SERGEF: variants seen among roughly 807,000 people sequenced by gnomAD.
The protein encoded by SERGEF is secretion-regulating guanine nucleotide exchange factor.
Under a neutral mutation model 50.0 loss-of-function variants are expected in SERGEF, and 51 were observed. The ratio of observed to expected loss-of-function variants is 1.02; its 90% CI spans 0.81 to 1.29. The LOEUF (loss-of-function observed/expected upper bound fraction) is 1.29, where lower values mean the gene tolerates loss of function less well. SERGEF is among the 50% of genes most tolerant of loss of function. The pLI, the probability that SERGEF is intolerant of heterozygous loss-of-function variation, is 0.00. For synonymous variants in SERGEF, 205 were observed against 212.4 expected (o/e 0.97, Z 0.30); for missense variants, 521 against 557.0 (o/e 0.94, Z 0.65).
intron 10 of SERGEF, among the ~76,000 whole-genome samples, chr11:17,817,213 A>AT (rs36024602): frequency 0.012 from 1,647 of 135,154 alleles, 26 homozygotes; most frequent in African/African-American, 0.038. Flanking sequence ...CTTTCCATGT[A>AT]TTTTTTTTTT....
chr11:18,002,823 AAATG>A (rs1195915304), intron 4 of SERGEF, among the ~76,000 whole-genome samples: 1 of 152,246 alleles, frequency 6.6e-6, no homozygotes, highest in African/African-American at 2.4e-5. Flanking sequence ...GTCATTAAAT[AAATG>A]AATGAATTTC....
chr11:17,868,666 T>C (rs1851076223), intron 10 of SERGEF, among the ~76,000 whole-genome samples: 2 of 152,184 alleles, frequency 1.3e-5, no homozygotes, highest in Admixed American at 6.5e-5. Flanking sequence ...AATAAAGACA[T>C]ACCTGAGACT....
intron 10 of SERGEF, among the ~76,000 whole-genome samples, chr11:17,808,213 G>A (rs71484787): frequency 0.054 from 8,281 of 152,282 alleles, 249 homozygotes; most frequent in South Asian, 0.11. Flanking sequence ...GTATTAGTCC[G>A]TGCTTGTGTC....
chr11:17,991,771 TAAC>T lies in SERGEF; in HGVS notation c.685+1157_685+1159del, dbSNP rs1232713740. ...TATTATGGCTCCCGTGCTCTTGAAA[TAAC>T]AACTTCTCAGCTGGGCTGCATTGCA... On this transcript the variant is annotated intron_variant, in intron 7 of 10. Coordinates refer to ENST00000265965, the MANE Select transcript of SERGEF (RefSeq NM_012139.4). The surrounding 1 kb of genome is among the most constrained non-coding windows in gnomAD (Gnocchi z 4.9). 6.6e-5 allele frequency among the ~76,000 whole-genome samples: 10 copies of T among 152,310 alleles called. No homozygotes were observed. In the South Asian group the frequency reaches 1.2e-3, roughly 19 times the overall value.
At chr11:17,950,733 C>T (rs1852759022) in intron 9 of SERGEF, among the ~76,000 whole-genome samples, 1 of 152,222 alleles carries the variant, frequency 6.6e-6, no homozygotes, top group Admixed American at 6.5e-5. Context: ...ACTGAAGCCT[C>T]CTTTAAATCC....
At chr11:17,981,962 A>G (rs1385264515) in intron 8 of SERGEF, among the ~76,000 whole-genome samples, 1 of 151,810 alleles carries the variant, frequency 6.6e-6, no homozygotes, top group East Asian at 1.9e-4. Context: ...CACCACACCC[A>G]GATAATTTTT....
chr11:17,998,998 C>T (rs552806789), intron 5 of SERGEF, among the ~76,000 whole-genome samples: 1 of 152,240 alleles, frequency 6.6e-6, no homozygotes, highest in East Asian at 1.9e-4. Context: ...TCCATACCAT[C>T]AAATACTACT....
intron 9 of SERGEF, among the ~76,000 whole-genome samples, chr11:17,896,492 T>C (rs1037092509): frequency 2.1e-5 from 3 of 141,460 alleles, no homozygotes; most frequent in Admixed American, 7.3e-5. Flanking sequence ...ACATAAAAAA[T>C]AAAGGGAAAA....
chr11:17,956,788 CAGGAAA>C (rs1852881763), intron 9 of SERGEF, among the ~76,000 whole-genome samples: 1 of 152,146 alleles, frequency 6.6e-6, no homozygotes, highest in Non-Finnish European at 1.5e-5. Context: ...CCTCAAGGGT[CAGGAAA>C]CATCAGCCTA....
chr11:17,832,317 A>AT (rs1432115021), intron 10 of SERGEF, among the ~76,000 whole-genome samples: 1 of 152,124 alleles, frequency 6.6e-6, no homozygotes, highest in South Asian at 2.1e-4. Context: ...AAGCTCTCTC[A>AT]TTTTTTGCCT....
At chr11:17,890,591 A>G (rs1851514306) in intron 9 of SERGEF, among the ~76,000 whole-genome samples, 2 of 152,006 alleles carry the variant, frequency 1.3e-5, no homozygotes, top group Admixed American at 1.3e-4. Flanking sequence ...TGATGGACTG[A>G]TTGATTTTTT....
chr11:17,840,350 T>C (rs1850477924), intron 10 of SERGEF, among the ~76,000 whole-genome samples: 1 of 152,190 alleles, frequency 6.6e-6, no homozygotes, highest in South Asian at 2.1e-4. Flanking sequence ...AAAGCATGTA[T>C]CTATTTCACA....
At chr11:17,870,710 T>C (rs886065988) in intron 10 of SERGEF, among the ~76,000 whole-genome samples, 1 of 152,178 alleles carries the variant, frequency 6.6e-6, no homozygotes, top group Admixed American at 6.5e-5. Flanking sequence ...CAAATAGTTC[T>C]TGAACATATA....
chr11:17,788,125 G>A lies in SERGEF; in HGVS notation c.1337C>T (p.Thr446Ile). Residue 446 changes from threonine to isoleucine, a missense_variant, in exon 11 of 11, where the codon ACC (threonine) becomes ATC (isoleucine). Physicochemically the swap from Thr to Ile is moderately conservative, Grantham distance 89. Transcript: ENST00000265965. ...TCTGGACCAGTCAGATTGGCTTTGGGTTGAAGTTTCTGATTGTCTTTCCTT... is the reference window on the plus strand; with the variant it reads ...TCTGGACCAGTCAGATTGGCTTTGGATTGAAGTTTCTGATTGTCTTTCCTT... The part of the protein sequence containing the change: ...NWKERQSETS[T>I]QSQSDWSRNG... The A allele has an allele frequency of 6.4e-7, 1 of 1,566,560 alleles. No homozygotes were observed. Among genetic ancestry groups the A allele is most frequent in the Non-Finnish European group, 8.7e-7 (1 of 1,150,508 alleles).
intron 10 of SERGEF, among the ~76,000 whole-genome samples, chr11:17,826,385 CTT>C (rs1293536958): frequency 6.6e-6 from 1 of 152,210 alleles, no homozygotes; most frequent in African/African-American, 2.4e-5. Context: ...CTGGTATAGA[CTT>C]TTAATTCTCG....
intron 9 of SERGEF, among the ~76,000 whole-genome samples, chr11:17,885,464 G>C (rs527842535): frequency 1.3e-5 from 2 of 151,992 alleles, no homozygotes; most frequent in African/African-American, 4.8e-5. Flanking sequence ...GAGGACTACA[G>C]GTACACACCA....
chr11:17,954,896 T>A (rs935578362), intron 9 of SERGEF, among the ~76,000 whole-genome samples: 4 of 152,212 alleles, frequency 2.6e-5, no homozygotes, highest in Non-Finnish European at 5.9e-5. Context: ...GGCCTCAGTT[T>A]CCTGAATAAC....
chr11:17,832,354 G>T lies in SERGEF; in HGVS notation c.1049-43941C>A, dbSNP rs975755385. On this transcript the variant is annotated intron_variant, in intron 10 of 10. Coordinates refer to ENST00000265965, the MANE Select transcript of SERGEF (RefSeq NM_012139.4). ...CAACCATGCACATAACATGTGAGTT[G>T]CTCATCCTTGCCTTCCGCCATGATT... Among the ~76,000 whole-genome samples the T allele has an allele frequency of 1.7e-4, 26 of 152,308 alleles. No homozygotes were observed. In the East Asian group the frequency reaches 4.2e-3, roughly 25 times the overall value.
chr11:18,011,347 G>C (rs1384561741), intron 1 of SERGEF, among the ~76,000 whole-genome samples: 1 of 152,178 alleles, frequency 6.6e-6, no homozygotes, highest in African/African-American at 2.4e-5. Context: ...GTCCTTAAAA[G>C]AAGAGACACC....
Sources: allele counts gnomAD v4.1 joint callset (sites outside exome capture counted in the v4.1 genomes callset), GRCh38; gene constraint gnomAD v4.1.1; non-coding constraint Gnocchi (gnomAD v3.1); transcripts MANE v1.5; gene names NCBI Gene and HGNC (gene_info 2026-07-23, HGNC 2026-07-21).